The following RAP1A variants were observed in gnomAD, a reference collection of about 807,000 sequenced individuals.
The protein encoded by RAP1A is RAP1A, member of RAS oncogene family, also known as ras-related protein Rap-1A.
Under a neutral mutation model 26.4 loss-of-function variants are expected in RAP1A, and 6 were observed. That is an observed-to-expected ratio of 0.23 (90% CI 0.12 to 0.45). The LOEUF (loss-of-function observed/expected upper bound fraction) is 0.45. RAP1A is among the 20% of genes least tolerant of loss of function. The pLI, the probability that RAP1A is intolerant of heterozygous loss-of-function variation, is 0.99. For missense variants in RAP1A, 121 were observed against 217.2 expected, an observed-to-expected ratio of 0.56 and a Z score of 2.78; for synonymous variants, 73 against 79.4, an observed-to-expected ratio of 0.92 and a Z score of 0.43.
At chr1:111,650,555 G>A (rs1388686203) in intron 1 of RAP1A, 1 of 152,072 alleles carries the variant, frequency 6.6e-6, no homozygotes, top group Admixed American at 6.6e-5. Flanking sequence ...TTTTTTTAGA[G>A]CAGTTTTAGG....
intron 1 of RAP1A, among the ~76,000 whole-genome samples, chr1:111,667,192 G>T (rs1660820594): frequency 6.6e-6 from 1 of 152,076 alleles, no homozygotes; most frequent in African/African-American, 2.4e-5. Flanking sequence ...TTTGCCTGGA[G>T]GGTAACGGTT....
chr1:111,631,811 A>ATTT (rs1241857388), intron 1 of RAP1A, among the ~76,000 whole-genome samples: 3 of 152,174 alleles, frequency 2.0e-5, no homozygotes, highest in African/African-American at 7.2e-5. Context: ...CATACGGTGA[A>ATTT]AATCCTGAGG....
At chr1:111,542,595 A>G (rs1656876554) in intron 1 of RAP1A, 1 of 155,482 alleles carries the variant, frequency 6.4e-6, no homozygotes, top group African/African-American at 2.4e-5. Context: ...CTTACACTGT[A>G]AAGGGAGCAT....
upstream of RAP1A, among the ~76,000 whole-genome samples, chr1:111,617,889 C>A (rs1659047701): frequency 6.6e-6 from 1 of 151,640 alleles, no homozygotes; most frequent in African/African-American, 2.4e-5. Flanking sequence ...AATAAAAACA[C>A]AAAATTAGCC....
At chr1:111,619,086 G>A (rs939045011), upstream of RAP1A, among the ~76,000 whole-genome samples, 1 of 152,116 alleles carries the variant, frequency 6.6e-6, no homozygotes, top group Non-Finnish European at 1.5e-5. Flanking sequence ...TACTGCTCTC[G>A]GGCTGGCTGA....
upstream of RAP1A, among the ~76,000 whole-genome samples, chr1:111,618,436 C>T (rs1196581579): frequency 6.6e-6 from 1 of 152,176 alleles, no homozygotes; most frequent in Non-Finnish European, 1.5e-5. Flanking sequence ...TGACTGGTAG[C>T]GCCTCCTTTT....
At chr1:111,678,166 C>CA (rs1661184418) in intron 1 of RAP1A, among the ~76,000 whole-genome samples, 1 of 152,184 alleles carries the variant, frequency 6.6e-6, no homozygotes, top group African/African-American at 2.4e-5. Context: ...TCAGTTTCTA[C>CA]AAACACTGCT....
At chr1:111,568,663 A>G (rs1280611534) in intron 1 of RAP1A, among the ~76,000 whole-genome samples, 3 of 152,088 alleles carry the variant, frequency 2.0e-5, no homozygotes, top group Non-Finnish European at 2.9e-5. Flanking sequence ...AATACATTTG[A>G]CCCCTAAACA....
At chr1:111,605,374 C>T (rs1282264321) in intron 1 of RAP1A, among the ~76,000 whole-genome samples, 1 of 152,220 alleles carries the variant, frequency 6.6e-6, no homozygotes, top group Admixed American at 6.5e-5. Context: ...AAAATATTCA[C>T]TGAGGTCATC....
At chr1:111,669,574 A>G (rs997424438) in intron 1 of RAP1A, among the ~76,000 whole-genome samples, 4 of 152,242 alleles carry the variant, frequency 2.6e-5, no homozygotes, top group African/African-American at 9.6e-5. Flanking sequence ...CTGCCAAACA[A>G]GAGTGTCATG....
intron 1 of RAP1A, among the ~76,000 whole-genome samples, chr1:111,679,636 G>C (rs760617551): frequency 2.6e-5 from 4 of 152,156 alleles, no homozygotes; most frequent in Non-Finnish European, 5.9e-5. Context: ...CAACCCCATG[G>C]AGTCCAGCAA....
At chr1:111,552,712 G>C (rs1657317924) in intron 1 of RAP1A, among the ~76,000 whole-genome samples, 1 of 152,176 alleles carries the variant, frequency 6.6e-6, no homozygotes, top group African/African-American at 2.4e-5. Context: ...GGAATCATAT[G>C]TTGGTGTTTG....
At chr1:111,709,285 C>G (rs754049992) in intron 7 of RAP1A, 21 bp downstream of exon 7, 25 of 1,559,900 alleles carry the variant, frequency 1.6e-5, no homozygotes, top group South Asian at 2.4e-5. Context: ...AAAAGCAGAA[C>G]AAGTGCCTTT....
At position 111,641,067 on chromosome 1, in the gene RAP1A, A is replaced by G. The variant is rs141883790; in HGVS notation, c.-28+21133A>G. Reference sequence around the variant, plus strand: ...TCAAGAAAAGAATGCAAATGAGACAAAAATAATGGTTATCAGTTTGCTGTG... The same window carrying G: ...TCAAGAAAAGAATGCAAATGAGACAGAAATAATGGTTATCAGTTTGCTGTG... On this transcript the variant is annotated intron_variant, in intron 1 of 7. Coordinates refer to ENST00000369709, the MANE Select transcript of RAP1A (RefSeq NM_002884.4). Among the ~76,000 whole-genome samples the G allele has an allele frequency of 7.6e-3, 1,163 of 152,340 alleles. 7 individuals are homozygous for G. Among genetic ancestry groups the G allele is most frequent in the Non-Finnish European group, 0.013 (860 of 68,030 alleles).
intron 1 of RAP1A, among the ~76,000 whole-genome samples, chr1:111,555,362 T>TAAAAAAAAAAAAAAAAAAA (rs397981230): frequency 4.2e-5 from 2 of 47,640 alleles, no homozygotes; most frequent in African/African-American, 1.2e-4. Context: ...TGAGACTCTG[T>TAAAAAAAAAAAAAAAAAAA]AAAAAAAAAA....
At chr1:111,600,442 C>T (rs1405213044) in intron 1 of RAP1A, among the ~76,000 whole-genome samples, 1 of 152,248 alleles carries the variant, frequency 6.6e-6, no homozygotes, top group African/African-American at 2.4e-5. Flanking sequence ...TAGCAAGCCT[C>T]CTCTTCCAGC....
intron 1 of RAP1A, among the ~76,000 whole-genome samples, chr1:111,577,377 G>C (rs1393583287): frequency 1.5e-5 from 2 of 132,384 alleles, no homozygotes; most frequent in Non-Finnish European, 3.1e-5. Flanking sequence ...ACTCCAACCT[G>C]GGCAACAGAG....
intron 1 of RAP1A, among the ~76,000 whole-genome samples, chr1:111,589,315 C>A (rs1658430560): frequency 6.6e-6 from 1 of 152,166 alleles, no homozygotes; most frequent in African/African-American, 2.4e-5. Flanking sequence ...CATAGTGGCA[C>A]ATGCTTGTAG....
intron 1 of RAP1A, among the ~76,000 whole-genome samples, chr1:111,613,368 G>A (rs183614346): frequency 6.6e-6 from 1 of 151,812 alleles, no homozygotes; most frequent in African/African-American, 2.4e-5. Context: ...CCCGGCTAAT[G>A]TTTTGTATTT....
Sources: gnomAD v4.1 joint callset for allele counts (sites outside exome capture counted in the v4.1 genomes callset) on GRCh38, gnomAD v4.1.1 for gene constraint, MANE v1.5 for transcripts, NCBI Gene and HGNC (gene_info 2026-07-23, HGNC 2026-07-21) for gene names.